Variants in PMS2 observed in about 807,000 individuals in gnomAD.
PMS2 encodes PMS1 homolog 2, mismatch repair system component.
A neutral mutation model predicts 90.0 loss-of-function variants in PMS2; 69 were observed. The ratio of observed to expected loss-of-function variants is 0.77; its 90% CI spans 0.63 to 0.94. The LOEUF is 0.94. PMS2 is among the 40% of genes least tolerant of loss of function. The probability of loss-of-function intolerance (pLI) is 0.00; values close to 1 mark genes in which losing one functional copy is unlikely to be tolerated. For missense variants in PMS2, 966 were observed against 1,040.2 expected, an observed-to-expected ratio of 0.93 and a Z score of 0.98; for synonymous variants, 332 against 375.1, an observed-to-expected ratio of 0.89 and a Z score of 1.33.
At chr7:5,989,022 A>AT (rs1186950370) in intron 10 of PMS2, among the ~76,000 whole-genome samples, 1 of 151,956 alleles carries the variant, frequency 6.6e-6, no homozygotes, top group South Asian at 2.1e-4. Flanking sequence ...CGCCCGGCTA[A>AT]TTTTTTGTAT....
At chr7:5,999,758 T>C (rs1784892662) in intron 5 of PMS2, among the ~76,000 whole-genome samples, 1 of 151,994 alleles carries the variant, frequency 6.6e-6, no homozygotes, top group African/African-American at 2.4e-5. Flanking sequence ...ATTGCACCAC[T>C]GCACTCCAGC....
chr7:5,990,091 TCCGCC>T, intron 9 of PMS2, 136 bp from the exon 10 acceptor site: 1 of 512,310 alleles, frequency 2.0e-6, no homozygotes, highest in Non-Finnish European at 3.4e-6. Flanking sequence ...CACTGCAACC[TCCGCC>T]TCCTGGGTTC....
chr7:5,986,444 C>A (rs1782870062), intron 11 of PMS2, among the ~76,000 whole-genome samples: 1 of 151,992 alleles, frequency 6.6e-6, no homozygotes, highest in Non-Finnish European at 1.5e-5. Context: ...GTAATCCCAG[C>A]ACTTTGGGAG....
chr7:5,986,715 A>C (rs1269875494), intron 11 of PMS2, 44 bp downstream of exon 11: 1 of 1,412,452 alleles, frequency 7.1e-7, no homozygotes. Flanking sequence ...ATAAAAATAA[A>C]AATTTTAGAT....
intron 5 of PMS2, among the ~76,000 whole-genome samples, chr7:5,999,823 G>T (rs570373212): frequency 6.6e-6 from 1 of 152,034 alleles, no homozygotes; most frequent in South Asian, 2.1e-4. Context: ...AAACTGAAAC[G>T]TACATTGTGT....
At chr7:5,984,291 C>T (rs557851901) in intron 11 of PMS2, among the ~76,000 whole-genome samples, 2 of 151,926 alleles carry the variant, frequency 1.3e-5, no homozygotes, top group South Asian at 4.1e-4. Flanking sequence ...GTGGCTTCAA[C>T]ATCTAATGTC....
intron 5 of PMS2, among the ~76,000 whole-genome samples, chr7:6,001,649 G>C (rs59014699): frequency 6.6e-6 from 1 of 152,060 alleles, no homozygotes; most frequent in Non-Finnish European, 1.5e-5. Context: ...GATTACAGGT[G>C]TGAGCCACTG....
At chr7:5,978,268 T>C (rs1781930069) in intron 13 of PMS2, among the ~76,000 whole-genome samples, 1 of 148,708 alleles carries the variant, frequency 6.7e-6, no homozygotes, top group South Asian at 2.1e-4. Context: ...AATCTATAGT[T>C]CTGATTTTTT....
chr7:5,993,979 C>T (rs1202170222), intron 8 of PMS2, among the ~76,000 whole-genome samples: 7 of 147,092 alleles, frequency 4.8e-5, no homozygotes. Flanking sequence ...TTAGTTTTTA[C>T]AATAATAAAT....
intron 8 of PMS2, among the ~76,000 whole-genome samples, chr7:5,994,805 T>C (rs1784197283): frequency 2.0e-5 from 3 of 151,676 alleles, no homozygotes; most frequent in Admixed American, 6.6e-5. Flanking sequence ...AAGAAAATAC[T>C]GTATGTCAAA....
intron 7 of PMS2, among the ~76,000 whole-genome samples, chr7:5,995,887 G>T (rs960272048): frequency 6.6e-6 from 1 of 152,148 alleles, no homozygotes; most frequent in African/African-American, 2.4e-5. Context: ...CAAAACTGAT[G>T]TGTTGCAGCT....
chr7:5,981,320 T>C (rs1782260286), intron 12 of PMS2, among the ~76,000 whole-genome samples: 1 of 149,704 alleles, frequency 6.7e-6, no homozygotes, highest in African/African-American at 2.5e-5. Context: ...GGCACGATCA[T>C]GGCAGCCTCA....
In PMS2 at chr7:5,981,165, T is replaced by C. The variant is rs532195554; in HGVS notation, c.2174+1659A>G. On this transcript the variant is annotated intron_variant, in intron 12 of 14. Coordinates refer to ENST00000265849, the MANE Select transcript of PMS2 (RefSeq NM_000535.7). Reference sequence around the variant, plus strand: ...AAGTAGTCAGGGTAAAACATTCCAGTTTGGCCGAGGAGAGAGAAATACCAA... The same window carrying C: ...AAGTAGTCAGGGTAAAACATTCCAGCTTGGCCGAGGAGAGAGAAATACCAA... Among the ~76,000 whole-genome samples, 28 of 152,006 alleles carry C rather than the reference T, an allele frequency of 1.8e-4. No homozygotes were observed. In the East Asian group the frequency reaches 4.4e-3, roughly 24 times the overall value.
intron 1 of PMS2, among the ~76,000 whole-genome samples, chr7:6,007,203 C>T (rs1474739084): frequency 2.6e-5 from 4 of 152,088 alleles, no homozygotes; most frequent in Non-Finnish European, 5.9e-5. Context: ...GCAACCTCCG[C>T]CTCCCAGGTT....
At position 5,982,960 on chromosome 7, in the gene PMS2, C is replaced by T. The variant is rs1182717826; in HGVS notation, c.2038G>A (p.Gly680Ser). The T allele has an allele frequency of 1.3e-6, 2 of 1,570,056 alleles. No homozygotes were observed. Among genetic ancestry groups the T allele is most frequent in the Admixed American group, 1.8e-5 (1 of 56,830 alleles). The change falls in exon 12 of 15, where the codon GGT becomes AGT. Residue 680 changes from glycine to serine, a missense_variant. This residue lies in a region of PMS2 where 95 missense variants were observed against 237.8 expected (regional missense o/e 0.40). Transcript: ENST00000265849. ...KTMFAEMEII[G>S]QFNLGFIITK... ...ATTATAAATCCCAGGTTAAACTGAC[C>T]AATGATTTCCATTTCTGCAAACATC...
intron 1 of PMS2, among the ~76,000 whole-genome samples, chr7:6,007,535 G>C (rs1365216237): frequency 6.6e-6 from 1 of 152,122 alleles, no homozygotes; most frequent in Admixed American, 6.6e-5. Context: ...AACAATGTCT[G>C]CTCAAAGAAT....
chr7:5,992,628 C>T (rs539709962), intron 8 of PMS2, among the ~76,000 whole-genome samples: 2 of 152,106 alleles, frequency 1.3e-5, no homozygotes, highest in Non-Finnish European at 2.9e-5. Context: ...CCTAAGGATA[C>T]ATTTTTTTAA....
At chr7:5,985,317 G>A (rs1223879859) in intron 11 of PMS2, among the ~76,000 whole-genome samples, 4 of 147,818 alleles carry the variant, frequency 2.7e-5, no homozygotes, top group Non-Finnish European at 5.9e-5. Context: ...TATTGCCCAG[G>A]CTGGTCTCAA....
chr7:5,997,363 C>A lies in PMS2; in HGVS notation c.766G>T (p.Gly256Cys), dbSNP rs587782633. Reference sequence around the variant, plus strand: ...TGCAGAGCATCGGAACAGCTCAAACCGTACTCTTCACACACGGAGTCACTA... The same window carrying A: ...TGCAGAGCATCGGAACAGCTCAAACAGTACTCTTCACACACGGAGTCACTA... ...PPSDSVCEEY[G>C]LSCSDALHNL... Residue 256 changes from glycine to cysteine, a missense_variant, in exon 7 of 15, where the codon GGT becomes TGT. By Grantham distance (159) the Gly-to-Cys change is radical. Coordinates refer to ENST00000265849, the MANE Select transcript of PMS2 (RefSeq NM_000535.7). 1 of 1,604,098 alleles carries A rather than the reference C, an allele frequency of 6.2e-7. No homozygotes were observed. The highest frequency in any genetic ancestry group is 2.2e-5 in the East Asian group (1 of 44,792).
Sources: allele counts gnomAD v4.1 joint callset (sites outside exome capture counted in the v4.1 genomes callset), GRCh38; gene constraint gnomAD v4.1.1; regional missense constraint gnomAD v4.1.1; transcripts MANE v1.5; gene names NCBI Gene and HGNC (gene_info 2026-07-23, HGNC 2026-07-21).